The following ROBO2 variants were observed in gnomAD, a reference collection of about 807,000 sequenced individuals.
ROBO2 encodes roundabout guidance receptor 2.
In ROBO2, 53 loss-of-function variants were observed where a neutral mutation model predicts 160.8. The observed-to-expected ratio is 0.33, with a 90% confidence interval of 0.26 to 0.41. The LOEUF (loss-of-function observed/expected upper bound fraction) is 0.41, where lower values mean the gene tolerates loss of function less well. ROBO2 is among the 10% of genes least tolerant of loss of function. The pLI is 1.00. For missense variants in ROBO2, 1,577 were observed against 1,722.4 expected, an observed-to-expected ratio of 0.92 and a Z score of 1.49; for synonymous variants, 664 against 611.7, an observed-to-expected ratio of 1.09 and a Z score of -1.26.
intron 2 of ROBO2, among the ~76,000 whole-genome samples, chr3:77,251,103 A>T (rs2090294561): frequency 6.6e-6 from 1 of 152,018 alleles, no homozygotes; most frequent in Admixed American, 6.6e-5. Flanking sequence ...TTCACTAGGC[A>T]TTGCCTTAGT....
rs773183269 is a variant in ROBO2, at chr3:77,595,145, C to T, written c.2687C>T (p.Thr896Met). The T allele has an allele frequency of 1.2e-6, 2 of 1,610,312 alleles. No individual in the cohort carries two copies. The highest frequency in any genetic ancestry group is 1.7e-6 in the Non-Finnish European group (2 of 1,177,098). Residue 896 changes from threonine to methionine, a missense_variant, in exon 18 of 26, where the codon ACG (threonine) becomes ATG (methionine). Thr to Met is a moderately conservative substitution (Grantham distance 81). This residue lies in a region of ROBO2 where 940 missense variants were observed against 1,135.5 expected (regional missense o/e 0.83). Coordinates refer to ENST00000461745, the Ensembl canonical transcript of ROBO2. The stretch of plus-strand genomic sequence containing the variant: ...TCCTTTTTTTCTTTTTTCATAGTTA[C>T]GTTTCAAAGAGGAGATGGAGGACTA...
chr3:77,468,211 T>C (rs2082984762), intron 2 of ROBO2, among the ~76,000 whole-genome samples: 1 of 152,228 alleles, frequency 6.6e-6, no homozygotes, highest in African/African-American at 2.4e-5. Context: ...TGCAGATCCC[T>C]GTCAAATATC....
At chr3:75,969,745 GT>G (rs2064937115) in intron 2 of ROBO2, among the ~76,000 whole-genome samples, 1 of 151,434 alleles carries the variant, frequency 6.6e-6, no homozygotes, top group South Asian at 2.1e-4. Flanking sequence ...CAGTCGGATT[GT>G]TTTTTGACAT....
At chr3:76,781,498 A>G (rs2062642719) in intron 2 of ROBO2, among the ~76,000 whole-genome samples, 1 of 150,692 alleles carries the variant, frequency 6.6e-6, no homozygotes, top group South Asian at 2.1e-4. Flanking sequence ...TGTTAGAGAA[A>G]TAGCTTTCAG....
At chr3:76,110,058 AAT>A (rs142775489) in intron 2 of ROBO2, among the ~76,000 whole-genome samples, 27 of 149,616 alleles carry the variant, frequency 1.8e-4, no homozygotes, top group Admixed American at 2.0e-4. Context: ...TATATGAATG[AAT>A]ATATATATAT....
chr3:76,695,770 G>A (rs2092914647), intron 2 of ROBO2, among the ~76,000 whole-genome samples: 1 of 152,118 alleles, frequency 6.6e-6, no homozygotes, highest in South Asian at 2.1e-4. Flanking sequence ...GGCTCAGAGA[G>A]GTTGTATAAC....
intron 2 of ROBO2, among the ~76,000 whole-genome samples, chr3:77,134,596 G>A (rs1279329329): frequency 6.6e-6 from 1 of 152,156 alleles, no homozygotes; most frequent in Non-Finnish European, 1.5e-5. Context: ...TAAACCAACA[G>A]CTCTGCCGTG....
chr3:77,132,909 C>T (rs1249445275), intron 2 of ROBO2, among the ~76,000 whole-genome samples: 4 of 152,076 alleles, frequency 2.6e-5, no homozygotes, highest in African/African-American at 9.7e-5. Context: ...TGAAGGTTTA[C>T]AGAAGTGAAT....
At chr3:77,114,967 T>G (rs2074054805) in intron 2 of ROBO2, among the ~76,000 whole-genome samples, 1 of 152,144 alleles carries the variant, frequency 6.6e-6, no homozygotes, top group Non-Finnish European at 1.5e-5. Context: ...ACTGTAAAGA[T>G]CTTTTTCCTG....
At chr3:75,930,192 G>A (rs1947475138) in intron 1 of ROBO2, among the ~76,000 whole-genome samples, 2 of 151,906 alleles carry the variant, frequency 1.3e-5, no homozygotes, top group African/African-American at 2.4e-5. Context: ...TTTTCTATAA[G>A]GGTATGTGCC....
At chr3:77,618,217 G>A in intron 22 of ROBO2, 1 of 200,442 alleles carries the variant, frequency 5.0e-6, no homozygotes, top group Non-Finnish European at 1.0e-5. Context: ...TTGTCAATAT[G>A]TAAATGTGAG....
intron 2 of ROBO2, among the ~76,000 whole-genome samples, chr3:77,241,343 A>G (rs185890759): frequency 7.2e-5 from 11 of 152,342 alleles, no homozygotes; most frequent in African/African-American, 2.2e-4. Flanking sequence ...GAAAATTACA[A>G]TTTATTTTGA....
At chr3:76,029,541 G>A (rs1559847980) in intron 2 of ROBO2, among the ~76,000 whole-genome samples, 1 of 151,878 alleles carries the variant, frequency 6.6e-6, no homozygotes, top group South Asian at 2.1e-4. Flanking sequence ...GACAGGCTCT[G>A]GTGTGTGATG....
At chr3:77,164,825 T>C (rs368674467) in intron 2 of ROBO2, among the ~76,000 whole-genome samples, 3 of 16,906 alleles carry the variant, frequency 1.8e-4, no homozygotes, top group Non-Finnish European at 4.1e-4. Flanking sequence ...TCTGCCCGGC[T>C]GCCCCTACTG....
At chr3:76,543,775 A>T (rs979797577) in intron 2 of ROBO2, among the ~76,000 whole-genome samples, 9 of 152,052 alleles carry the variant, frequency 5.9e-5, no homozygotes, top group Non-Finnish European at 1.3e-4. Context: ...CTTCTCAGTG[A>T]CAGCTGAAAT....
chr3:76,718,734 T>C (rs186025293), intron 2 of ROBO2, among the ~76,000 whole-genome samples: 3 of 152,320 alleles, frequency 2.0e-5, no homozygotes, highest in Admixed American at 2.0e-4. Flanking sequence ...GGGAGAGGTA[T>C]TGAGCCTTTA....
chr3:76,590,404 G>A (rs2086340718), intron 2 of ROBO2, among the ~76,000 whole-genome samples: 1 of 152,020 alleles, frequency 6.6e-6, no homozygotes, highest in African/African-American at 2.4e-5. Context: ...TACCCATAGT[G>A]CCTCAGTTTA....
intron 2 of ROBO2, among the ~76,000 whole-genome samples, chr3:76,657,382 G>A (rs1358139289): frequency 1.3e-5 from 2 of 150,574 alleles, no homozygotes; most frequent in Non-Finnish European, 3.0e-5. Flanking sequence ...CCGAGATCGC[G>A]CCCCTGCACT....
At chr3:76,162,291 A>G (rs80282502) in intron 2 of ROBO2, among the ~76,000 whole-genome samples, 260 of 152,204 alleles carry the variant, frequency 1.7e-3, no homozygotes, top group African/African-American at 6.2e-3. Context: ...TGGCATGAGC[A>G]TATTACTTTA....
Sources: allele counts gnomAD v4.1 joint callset (sites outside exome capture counted in the v4.1 genomes callset), GRCh38; gene constraint gnomAD v4.1.1; regional missense constraint gnomAD v4.1.1; transcripts MANE v1.5; gene names NCBI Gene and HGNC (gene_info 2026-07-23, HGNC 2026-07-21).